Variants in TMTC2 observed in about 807,000 individuals in gnomAD.
TMTC2 encodes transmembrane O-mannosyltransferase targeting cadherins 2, also known as protein O-mannosyl-transferase TMTC2.
Under a neutral mutation model 82.4 loss-of-function variants are expected in TMTC2, and 43 were observed. The observed-to-expected ratio is 0.52, with a 90% CI of 0.41 to 0.67. The LOEUF (loss-of-function observed/expected upper bound fraction) is 0.67. Ranked by LOEUF, TMTC2 falls within the 30% of genes least tolerant of loss-of-function variation. The pLI is 0.00. For synonymous variants in TMTC2, 408 were observed against 381.9 expected, an observed-to-expected ratio of 1.07 and a Z score of -0.80; for missense variants, 919 against 1,012.4, an observed-to-expected ratio of 0.91 and a Z score of 1.25.
intron 1 of TMTC2, among the ~76,000 whole-genome samples, chr12:82,739,045 G>A (rs1489626126): frequency 1.3e-5 from 2 of 151,736 alleles, no homozygotes; most frequent in African/African-American, 4.8e-5. Context: ...CTACTCGGGA[G>A]GCTGAGGCAG....
intron 11 of TMTC2, among the ~76,000 whole-genome samples, chr12:83,124,273 G>A (rs1885041306): frequency 6.6e-6 from 1 of 152,190 alleles, no homozygotes; most frequent in Non-Finnish European, 1.5e-5. Context: ...AAATTACATT[G>A]AGATTGGTAT....
chr12:83,082,788 A>T (rs916539069), intron 11 of TMTC2, among the ~76,000 whole-genome samples: 1 of 152,208 alleles, frequency 6.6e-6, no homozygotes, highest in Non-Finnish European at 1.5e-5. Context: ...ATTTATAGAG[A>T]CATGTGGAGC....
intron 1 of TMTC2, among the ~76,000 whole-genome samples, chr12:82,846,783 T>C (rs1449628514): frequency 6.6e-6 from 1 of 152,096 alleles, no homozygotes; most frequent in Non-Finnish European, 1.5e-5. Flanking sequence ...TCAACATATG[T>C]GTGGTAACAA....
At chr12:82,711,347 A>G in intron 1 of TMTC2, among the ~76,000 whole-genome samples, 1 of 152,222 alleles carries the variant, frequency 6.6e-6, no homozygotes, top group Non-Finnish European at 1.5e-5. Context: ...ATATACATTC[A>G]GGGGTCTTAG....
intron 6 of TMTC2, among the ~76,000 whole-genome samples, chr12:82,966,684 C>T (rs1166846056): frequency 6.6e-6 from 1 of 151,996 alleles, no homozygotes; most frequent in East Asian, 1.9e-4. Context: ...AGAGCATTGC[C>T]AACATTCGAT....
At chr12:82,880,543 G>C (rs1872770577) in intron 2 of TMTC2, among the ~76,000 whole-genome samples, 1 of 152,176 alleles carries the variant, frequency 6.6e-6, no homozygotes. Flanking sequence ...AGAGATTCCA[G>C]TCAGTTAACC....
intron 1 of TMTC2, among the ~76,000 whole-genome samples, chr12:82,768,528 A>T (rs1352640912): frequency 6.6e-6 from 1 of 152,186 alleles, no homozygotes; most frequent in East Asian, 1.9e-4. Context: ...ATTAAGATGC[A>T]TTAGTGGAAT....
chr12:83,049,711 G>C (rs1405575078), intron 9 of TMTC2, among the ~76,000 whole-genome samples: 2 of 152,180 alleles, frequency 1.3e-5, no homozygotes, highest in Admixed American at 6.5e-5. Context: ...TGGTAATTCT[G>C]CTTTAAGTTC....
At chr12:82,876,042 GTGGTGGTGGTGGTGGTGGTGGTGGTGA>G (rs1872490371) in intron 2 of TMTC2, among the ~76,000 whole-genome samples, 1 of 120,210 alleles carries the variant, frequency 8.3e-6, no homozygotes, top group Non-Finnish European at 1.8e-5. Flanking sequence ...GGTGGTGGTG[GTGGTGGTGGTGGTGGTGGTGGTGGTGA>G]TGATGATGAT....
intron 8 of TMTC2, among the ~76,000 whole-genome samples, chr12:83,022,662 G>A (rs2137407405): frequency 6.7e-6 from 1 of 150,222 alleles, no homozygotes; most frequent in Admixed American, 6.6e-5. Flanking sequence ...CATTAGCGTA[G>A]TACATTTTTT....
At chr12:82,854,052 C>G (rs925281593) in intron 1 of TMTC2, among the ~76,000 whole-genome samples, 1 of 151,292 alleles carries the variant, frequency 6.6e-6, no homozygotes, top group Non-Finnish European at 1.5e-5. Context: ...TTTAATAGAT[C>G]CAGAATAACA....
At chr12:82,877,201 C>T (rs1458472867) in intron 2 of TMTC2, among the ~76,000 whole-genome samples, 2 of 152,064 alleles carry the variant, frequency 1.3e-5, no homozygotes, top group East Asian at 3.8e-4. Context: ...CAACAGTAAA[C>T]TAGGAAGTGG....
At chr12:82,776,662 C>G (rs908541133) in intron 1 of TMTC2, among the ~76,000 whole-genome samples, 14 of 151,036 alleles carry the variant, frequency 9.3e-5, no homozygotes, top group African/African-American at 3.4e-4. Flanking sequence ...GCACATGCCT[C>G]TAGTCCCAGC....
chr12:82,838,032 A>G (rs1870143277), intron 1 of TMTC2, among the ~76,000 whole-genome samples: 1 of 152,236 alleles, frequency 6.6e-6, no homozygotes, highest in Non-Finnish European at 1.5e-5. Context: ...GTGAGAACAC[A>G]TAATGTATAT....
chr12:82,780,311 C>A (rs1877830991), intron 1 of TMTC2, among the ~76,000 whole-genome samples: 1 of 152,096 alleles, frequency 6.6e-6, no homozygotes, highest in Non-Finnish European at 1.5e-5. Context: ...ATAGCTTTCT[C>A]CAGCTTCAAA....
intron 2 of TMTC2, among the ~76,000 whole-genome samples, chr12:82,876,438 C>G (rs1481923999): frequency 6.6e-6 from 1 of 152,084 alleles, no homozygotes; most frequent in African/African-American, 2.4e-5. Context: ...CTTCATGTCT[C>G]TCTAAAAATG....
intron 1 of TMTC2, among the ~76,000 whole-genome samples, chr12:82,692,286 C>T (rs1364008533): frequency 6.6e-6 from 1 of 152,176 alleles, no homozygotes; most frequent in African/African-American, 2.4e-5. Context: ...TTGTCATCTG[C>T]ACTTAGTTCT....
At chr12:83,036,426 G>C (rs868308320) in intron 9 of TMTC2, among the ~76,000 whole-genome samples, 1 of 148,572 alleles carries the variant, frequency 6.7e-6, no homozygotes, top group Admixed American at 6.7e-5. Context: ...TGCTACTACT[G>C]TACATTTATT....
chr12:83,106,505 A>G (rs888783232), intron 11 of TMTC2, among the ~76,000 whole-genome samples: 33 of 151,666 alleles, frequency 2.2e-4, no homozygotes, highest in Non-Finnish European at 4.1e-4. Flanking sequence ...GTCTCCAAAA[A>G]AAAAAAAAAA....
Sources: allele counts gnomAD v4.1 joint callset (sites outside exome capture counted in the v4.1 genomes callset), GRCh38; gene constraint gnomAD v4.1.1; transcripts MANE v1.5; gene names NCBI Gene and HGNC (gene_info 2026-07-23, HGNC 2026-07-21).